The following SYT1 variants were observed in gnomAD, a reference collection of about 807,000 sequenced individuals.
SYT1 encodes the protein synaptotagmin-1.
A neutral mutation model predicts 44.8 loss-of-function variants in SYT1; 8 were observed. That is an observed-to-expected ratio of 0.18 (90% CI 0.10 to 0.32). The LOEUF (loss-of-function observed/expected upper bound fraction) is 0.32, where lower values mean the gene tolerates loss of function less well. Ranked by LOEUF, SYT1 falls within the 10% of genes least tolerant of loss-of-function variation. The probability of loss-of-function intolerance (pLI) is 1.00; values close to 1 mark genes in which losing one functional copy is unlikely to be tolerated. For missense variants in SYT1, 286 were observed against 509.3 expected, an observed-to-expected ratio of 0.56 and a Z score of 4.22; for synonymous variants, 154 against 188.8, an observed-to-expected ratio of 0.82 and a Z score of 1.51.
At chr12:79,085,939 A>G (rs568469278) in intron 3 of SYT1, among the ~76,000 whole-genome samples, 2 of 152,206 alleles carry the variant, frequency 1.3e-5, no homozygotes, top group South Asian at 4.1e-4. Flanking sequence ...CTAAGATTAA[A>G]TTAATTAAGG....
At chr12:79,241,834 G>A (rs934662892) in intron 4 of SYT1, among the ~76,000 whole-genome samples, 1 of 152,060 alleles carries the variant, frequency 6.6e-6, no homozygotes, top group South Asian at 2.1e-4. Flanking sequence ...TTTGAAGATC[G>A]AATCAAGTTA....
chr12:79,013,383 A>G (rs1871551462), intron 2 of SYT1, among the ~76,000 whole-genome samples: 1 of 152,146 alleles, frequency 6.6e-6, no homozygotes, highest in South Asian at 2.1e-4. Flanking sequence ...TAATTGTTCA[A>G]TATTTGCTAT....
chr12:79,429,055 G>A (rs1869616159), intron 9 of SYT1, among the ~76,000 whole-genome samples: 1 of 152,118 alleles, frequency 6.6e-6, no homozygotes, highest in East Asian at 1.9e-4. Context: ...ACCATAGGAT[G>A]ACACCAAGTC....
intron 1 of SYT1, among the ~76,000 whole-genome samples, chr12:78,911,571 A>G (rs1441869922): frequency 6.6e-6 from 1 of 151,922 alleles, no homozygotes; most frequent in Non-Finnish European, 1.5e-5. Flanking sequence ...TGTATCAAAA[A>G]AAAAACAGTC....
intron 1 of SYT1, among the ~76,000 whole-genome samples, chr12:78,874,450 G>C (rs927266960): frequency 6.6e-6 from 1 of 151,558 alleles, no homozygotes; most frequent in Non-Finnish European, 1.5e-5. Flanking sequence ...ATGAAACTTA[G>C]AGAGCTGGAT....
chr12:78,990,422 T>C (rs1869939564), intron 2 of SYT1, among the ~76,000 whole-genome samples: 2 of 152,202 alleles, frequency 1.3e-5, no homozygotes, highest in Admixed American at 1.3e-4. Context: ...AAGCAATCTA[T>C]TGACATTTAA....
chr12:78,944,346 A>G (rs2137265282), intron 1 of SYT1, among the ~76,000 whole-genome samples: 1 of 151,902 alleles, frequency 6.6e-6, no homozygotes, highest in South Asian at 2.1e-4. Flanking sequence ...AGGCTTAGTA[A>G]AAGATGAAAA....
rs577419102 is a variant in SYT1, at chr12:78,933,899, T to C, written c.-216-43900T>C. Among the ~76,000 whole-genome samples, 4 of 125,860 alleles carry C rather than the reference T, an allele frequency of 3.2e-5. No individual in the cohort carries two copies. In the East Asian group the frequency reaches 1.2e-3, roughly 37 times the overall value. The allele number at this position is 125,860 out of a possible 152,430, so 82.6% of individuals were successfully genotyped here. On this transcript the variant is annotated intron_variant, in intron 1 of 10. Coordinates refer to ENST00000261205, the MANE Select transcript of SYT1 (RefSeq NM_005639.3). ...AGGGAACATGCCTGCTTTGTGTGTT[T>C]GTCTGTTTGGTTATTTCCAGAAACA... is the stretch of plus-strand genomic sequence containing the variant.
intron 9 of SYT1, among the ~76,000 whole-genome samples, chr12:79,359,263 G>A (rs1225754253): frequency 6.6e-6 from 1 of 152,146 alleles, no homozygotes; most frequent in Non-Finnish European, 1.5e-5. Flanking sequence ...ATCACATGTA[G>A]CTATTCCAGC....
At chr12:79,419,907 A>G (rs1157321236) in intron 9 of SYT1, among the ~76,000 whole-genome samples, 1 of 152,040 alleles carries the variant, frequency 6.6e-6, no homozygotes, top group African/African-American at 2.4e-5. Context: ...ACTTTACTGT[A>G]TGTATTTTGT....
intron 1 of SYT1, among the ~76,000 whole-genome samples, chr12:78,963,317 A>T (rs1241924044): frequency 6.6e-6 from 1 of 152,180 alleles, no homozygotes; most frequent in Non-Finnish European, 1.5e-5. Flanking sequence ...CAAAAATAGC[A>T]AATGTGACTA....
At chr12:78,961,919 A>G (rs1343926593) in intron 1 of SYT1, among the ~76,000 whole-genome samples, 2 of 152,210 alleles carry the variant, frequency 1.3e-5, no homozygotes, top group Admixed American at 1.3e-4. Context: ...ACTAAGAACC[A>G]ATCAAAGATA....
At chr12:79,168,586 A>G (rs1224528438) in intron 3 of SYT1, among the ~76,000 whole-genome samples, 2 of 152,074 alleles carry the variant, frequency 1.3e-5, no homozygotes, top group Non-Finnish European at 2.9e-5. Flanking sequence ...AAGACAAAGG[A>G]CAGAGTTTGT....
chr12:79,050,857 A>C (rs1038535305), intron 3 of SYT1, among the ~76,000 whole-genome samples: 5 of 152,072 alleles, frequency 3.3e-5, no homozygotes, highest in African/African-American at 1.2e-4. Flanking sequence ...AGAAGTAATA[A>C]AGTCCTGCAA....
chr12:78,902,587 A>G (rs1875724700), intron 1 of SYT1, among the ~76,000 whole-genome samples: 1 of 152,170 alleles, frequency 6.6e-6, no homozygotes, highest in Non-Finnish European at 1.5e-5. Flanking sequence ...CTATTGATGA[A>G]TATCAGTATT....
Position 79,217,576 on chromosome 12 carries a change from G to A in SYT1, c.57G>A (p.Ala19=), listed in dbSNP as rs754566512. 30 of 1,612,470 alleles carry A rather than the reference G, an allele frequency of 1.9e-5. No homozygotes were observed. The highest frequency in any genetic ancestry group is 2.5e-5 in the Non-Finnish European group (30 of 1,179,364). ...CAGCCCCGCCTGTCACCACTGTCGC[G>A]ACTGTTCTGCCAAGCAACGCCACAG... ...ALAAPPVTTV[A]TVLPSNATEP... The change falls in exon 4 of 11, where the codon GCG becomes GCA. Residue 19 remains alanine (A), a synonymous_variant. Transcript: ENST00000261205.
In SYT1 at chr12:79,449,504, A is replaced by G. The variant is rs1327240349; in HGVS notation, c.*380A>G. ...TGTTTTTAATAAGATGTTCTATTTTAAACTATGTAAATTGACTGAGATATA... is the reference window on the plus strand; with the variant it reads ...TGTTTTTAATAAGATGTTCTATTTTGAACTATGTAAATTGACTGAGATATA... On this transcript the variant is annotated 3_prime_UTR_variant, in exon 11 of 11. Transcript: ENST00000261205. 1 of 193,020 alleles carries G rather than the reference A, an allele frequency of 5.2e-6. No homozygotes were observed. The highest frequency in any genetic ancestry group is 1.1e-5 in the Non-Finnish European group (1 of 92,884). 12.0% of individuals were successfully genotyped at this position (193,020 alleles called of 1,614,324 possible).
intron 2 of SYT1, among the ~76,000 whole-genome samples, chr12:79,008,302 T>C (rs1291880540): frequency 6.6e-6 from 1 of 152,008 alleles, no homozygotes. Flanking sequence ...CAGATAGAAG[T>C]GTATGGCTGG....
intron 7 of SYT1, among the ~76,000 whole-genome samples, chr12:79,297,751 C>T (rs1175426884): frequency 6.6e-6 from 1 of 152,066 alleles, no homozygotes; most frequent in Non-Finnish European, 1.5e-5. Context: ...GTAGATTACT[C>T]ATCTTGAAAT....
Sources: gnomAD v4.1 joint callset for allele counts (sites outside exome capture counted in the v4.1 genomes callset) on GRCh38, gnomAD v4.1.1 for gene constraint, MANE v1.5 for transcripts, NCBI Gene and HGNC (gene_info 2026-07-23, HGNC 2026-07-21) for gene names.